Variants in ANK1 observed in about 807,000 individuals in gnomAD.
ANK1 encodes the protein ankyrin 1, also known as ankyrin-1.
ANK1 carries 51 observed loss-of-function variants against 210.4 expected under a neutral mutation model. The observed-to-expected ratio is 0.24, with a 90% CI of 0.19 to 0.31. The LOEUF (loss-of-function observed/expected upper bound fraction) is 0.31, where lower values mean the gene tolerates loss of function less well. Ranked by LOEUF, ANK1 falls within the 10% of genes least tolerant of loss-of-function variation. The pLI is 1.00. For missense variants in ANK1, 2,051 were observed against 2,504.4 expected (o/e 0.82, Z 3.86); for synonymous variants, 967 against 1,025.9 (o/e 0.94, Z 1.10).
chr8:41,753,829 G>A (rs1838385363), intron 2 of ANK1, among the ~76,000 whole-genome samples: 1 of 152,102 alleles, frequency 6.6e-6, no homozygotes, highest in South Asian at 2.1e-4. Flanking sequence ...GGCTTCTCGT[G>A]CTGTCTGCAC....
intron 16 of ANK1, among the ~76,000 whole-genome samples, chr8:41,712,381 G>A (rs941563816): frequency 1.1e-4 from 17 of 152,234 alleles, no homozygotes; most frequent in African/African-American, 3.9e-4. Flanking sequence ...GGCCTGCCCT[G>A]GACATGGCTC....
intron 1 of ANK1, among the ~76,000 whole-genome samples, chr8:41,767,705 C>T (rs898222926): frequency 6.6e-6 from 1 of 152,126 alleles, no homozygotes; most frequent in African/African-American, 2.4e-5. Context: ...CTGCAGGTGC[C>T]GGCCGGCGGG....
intron 37 of ANK1, among the ~76,000 whole-genome samples, chr8:41,683,342 A>C (rs1816708523): frequency 6.6e-6 from 1 of 152,220 alleles, no homozygotes; most frequent in Non-Finnish European, 1.5e-5. Flanking sequence ...CCCTGCTCCC[A>C]GGATGCAAGA....
chr8:41,687,664 C>T (rs759809814), intron 35 of ANK1, among the ~76,000 whole-genome samples: 2 of 152,180 alleles, frequency 1.3e-5, no homozygotes, highest in Non-Finnish European at 2.9e-5. Context: ...CCCGTGTCTC[C>T]GTGTGTCTTG....
intron 1 of ANK1, among the ~76,000 whole-genome samples, chr8:41,845,954 CCATATT>C (rs904284188): frequency 2.6e-5 from 4 of 152,204 alleles, no homozygotes; most frequent in African/African-American, 9.6e-5. Flanking sequence ...TACCTTCTCT[CCATATT>C]CATTTCTACC....
intron 3 of ANK1, among the ~76,000 whole-genome samples, chr8:41,733,554 A>G (rs777664710): frequency 1.3e-5 from 2 of 152,218 alleles, no homozygotes; most frequent in African/African-American, 2.4e-5. Flanking sequence ...ACTAAGTATT[A>G]TTATCTCCAT....
At chr8:41,707,026 G>A (rs548321558) in intron 17 of ANK1, among the ~76,000 whole-genome samples, 62 of 152,294 alleles carry the variant, frequency 4.1e-4, no homozygotes, top group Admixed American at 5.2e-4. Context: ...CTTGAACCTG[G>A]GAGGCAGAGG....
At chr8:41,692,177 C>T (rs1167559309) in intron 31 of ANK1, among the ~76,000 whole-genome samples, 1 of 152,124 alleles carries the variant, frequency 6.6e-6, no homozygotes, top group East Asian at 1.9e-4. Flanking sequence ...CTATCTCAGC[C>T]ACCCGAGTAG....
At chr8:41,741,634 C>G (rs1049772599) in intron 2 of ANK1, among the ~76,000 whole-genome samples, 8 of 151,984 alleles carry the variant, frequency 5.3e-5, no homozygotes, top group Non-Finnish European at 1.0e-4. Context: ...TTCCTGACCT[C>G]TGCCAAAGCT....
At chr8:41,777,373 G>A (rs771449633) in intron 1 of ANK1, among the ~76,000 whole-genome samples, 47 of 152,036 alleles carry the variant, frequency 3.1e-4, no homozygotes, top group Non-Finnish European at 6.5e-4. Context: ...TCAGGAGTTC[G>A]AGACCAGCCT....
chr8:41,821,070 A>C (rs902944424), intron 1 of ANK1, among the ~76,000 whole-genome samples: 1 of 152,188 alleles, frequency 6.6e-6, no homozygotes, highest in African/African-American at 2.4e-5. Flanking sequence ...ACAGCTTTTC[A>C]GTGCTACTCC....
chr8:41,671,896 G>A (rs762040435), intron 38 of ANK1, among the ~76,000 whole-genome samples: 8 of 135,452 alleles, frequency 5.9e-5, no homozygotes, highest in Non-Finnish European at 1.1e-4. Flanking sequence ...GAGTCCTCCC[G>A]GTGCCCCGAT....
At chr8:41,714,317 CT>C in intron 15 of ANK1, 63 bp from the exon 16 acceptor site, 1 of 1,302,286 alleles carries the variant, frequency 7.7e-7, no homozygotes, top group Non-Finnish European at 1.1e-6. Context: ...CCAGGACTCC[CT>C]TTAGGCATGG....
intron 1 of ANK1, among the ~76,000 whole-genome samples, chr8:41,846,159 T>G (rs1428102698): frequency 2.0e-5 from 3 of 152,206 alleles, no homozygotes; most frequent in Non-Finnish European, 4.4e-5. Flanking sequence ...CTGGCCATTT[T>G]ATGGGGGACA....
intron 1 of ANK1, among the ~76,000 whole-genome samples, chr8:41,810,513 C>T (rs1802325380): frequency 6.6e-6 from 1 of 152,220 alleles, no homozygotes; most frequent in African/African-American, 2.4e-5. Context: ...TGAGGCTGCC[C>T]TACAGCCGTG....
At chr8:41,822,254 C>A (rs775471788) in intron 1 of ANK1, among the ~76,000 whole-genome samples, 12 of 152,132 alleles carry the variant, frequency 7.9e-5, no homozygotes, top group Non-Finnish European at 1.6e-4. Flanking sequence ...TCTAATTTGT[C>A]CTGATTTCAC....
chr8:41,653,355 A>G lies in ANK1; in HGVS notation c.*2435T>C, dbSNP rs1031882602. The G allele has an allele frequency of 1.3e-5, 2 of 152,672 alleles. No individual in the cohort carries two copies. Among genetic ancestry groups the G allele is most frequent in the African/African-American group, 4.8e-5 (2 of 41,450 alleles). 9.5% of individuals were successfully genotyped at this position (152,672 alleles called of 1,614,324 possible). A position where few individuals can be genotyped will look rare whatever the true frequency, so the allele number is the denominator to read the frequency against. On this transcript the variant is annotated 3_prime_UTR_variant, in exon 43 of 43. Coordinates refer to ENST00000289734, the MANE Select transcript of ANK1 (RefSeq NM_000037.4). Reference sequence around the variant, plus strand: ...ATGTGGGAGAGTCAAGAAAAGATCCATTTTCATAACAATTAAAAAAATCAA... The same window carrying G: ...ATGTGGGAGAGTCAAGAAAAGATCCGTTTTCATAACAATTAAAAAAATCAA...
chr8:41,802,014 G>A (rs937491055), upstream of ANK1, among the ~76,000 whole-genome samples: 1 of 151,960 alleles, frequency 6.6e-6, no homozygotes, highest in African/African-American at 2.4e-5. Flanking sequence ...TTTTGAGATG[G>A]AGTCTTGCTC....
chr8:41,843,824 G>C (rs1208637878), intron 1 of ANK1, among the ~76,000 whole-genome samples: 5 of 152,218 alleles, frequency 3.3e-5, no homozygotes. Flanking sequence ...AGGAATCAGA[G>C]AGAGACAGGT....
Sources: gnomAD v4.1 joint callset for allele counts (sites outside exome capture counted in the v4.1 genomes callset) on GRCh38, gnomAD v4.1.1 for gene constraint, MANE v1.5 for transcripts, NCBI Gene and HGNC (gene_info 2026-07-23, HGNC 2026-07-21) for gene names.